NFAM1: variants seen among roughly 807,000 people sequenced by gnomAD.
The protein encoded by NFAM1 is NFAT activating protein with ITAM motif 1.
In NFAM1, 17 loss-of-function variants were observed where a neutral mutation model predicts 29.0. The observed-to-expected ratio is 0.59, with a 90% CI of 0.40 to 0.88. The LOEUF (loss-of-function observed/expected upper bound fraction) is 0.88, where lower values mean the gene tolerates loss of function less well. NFAM1 is among the 40% of genes least tolerant of loss of function. The probability of loss-of-function intolerance (pLI) is 0.00; values close to 1 mark genes in which losing one functional copy is unlikely to be tolerated. For missense variants in NFAM1, 324 were observed against 344.6 expected (o/e 0.94, Z 0.47); for synonymous variants, 175 against 147.2 (o/e 1.19, Z -1.36).
chr22:42,413,766 A>G (rs1930169727), intron 1 of NFAM1, among the ~76,000 whole-genome samples: 1 of 151,478 alleles, frequency 6.6e-6, no homozygotes, highest in Non-Finnish European at 1.5e-5. Flanking sequence ...ACAACAACAA[A>G]AATTTGGCCA....
chr22:42,399,221 T>A (rs1189826752), intron 3 of NFAM1, among the ~76,000 whole-genome samples: 3 of 151,202 alleles, frequency 2.0e-5, no homozygotes, highest in Admixed American at 2.0e-4. Flanking sequence ...CCGAGTCGGG[T>A]GGATCACCTG....
upstream of NFAM1, among the ~76,000 whole-genome samples, chr22:42,434,814 C>A (rs922289339): frequency 6.6e-6 from 1 of 152,216 alleles, no homozygotes; most frequent in African/African-American, 2.4e-5. Flanking sequence ...TAGGCCTTGG[C>A]AGCTGAATTT....
chr22:42,386,451 GAA>G (rs753249860), intron 5 of NFAM1, among the ~76,000 whole-genome samples: 5,800 of 150,104 alleles, frequency 0.039, 290 homozygotes, highest in African/African-American at 0.12. Flanking sequence ...AAAAAAGAGA[GAA>G]AGTATGATTG....
At chr22:42,435,871 G>C (rs377295660), upstream of NFAM1, among the ~76,000 whole-genome samples, 6 of 146,506 alleles carry the variant, frequency 4.1e-5, no homozygotes, top group African/African-American at 1.5e-4. Flanking sequence ...CTAGGCTGGA[G>C]TGCAGTGGCA....
Position 42,417,765 on chromosome 22 carries a change from G to A in NFAM1, c.122-6029C>T, listed in dbSNP as rs1187692566. Among the ~76,000 whole-genome samples, 7 of 152,180 alleles carry A rather than the reference G, an allele frequency of 4.6e-5. No individual in the cohort carries two copies. In the South Asian group the frequency reaches 1.4e-3, roughly 32 times the overall value. ...ATGTGGATAGGATGGTGCAGGGAGAGGGGAGAGGGCACCCATAGTGAGGAC... is the reference window on the plus strand; with the variant it reads ...ATGTGGATAGGATGGTGCAGGGAGAAGGGAGAGGGCACCCATAGTGAGGAC... On this transcript the variant is annotated intron_variant, in intron 1 of 5. Transcript: ENST00000329021.
Position 42,398,091 on chromosome 22 carries a change from C to T in NFAM1, c.565-135G>A, listed in dbSNP as rs907878543. 60 of 574,274 alleles carry T rather than the reference C, an allele frequency of 1.0e-4. 1 individual carries two copies. The highest frequency in any genetic ancestry group is 2.5e-5 in the Non-Finnish European group (8 of 322,786). 35.6% of individuals were successfully genotyped at this position (574,274 alleles called of 1,614,324 possible). On this transcript the variant is annotated intron_variant, in intron 3 of 5. Transcript: ENST00000329021. ...CATCACTCAGTCCCTCCCACTCACC[C>T]TCTCCAGGGAAACATGGCAAATGCC...
rs1007711717 is a variant in NFAM1 at position 42,388,070 on chromosome 22, G to T, written c.664-992C>A. ...GCAGCACCAAATGAGCTATGGTAAGGGGGCTTCCCCGTCACTCGGGTGTGT... is the reference window on the plus strand; with the variant it reads ...GCAGCACCAAATGAGCTATGGTAAGTGGGCTTCCCCGTCACTCGGGTGTGT... On this transcript the variant is annotated intron_variant, in intron 4 of 5. Transcript: ENST00000329021. The surrounding 1 kb of genome is among the most constrained non-coding windows in gnomAD (Gnocchi z 4.1). 6.6e-6 allele frequency among the ~76,000 whole-genome samples: 1 copy of T among 152,234 alleles called. No homozygotes were observed. Among genetic ancestry groups the T allele is most frequent in the African/African-American group, 2.4e-5 (1 of 41,452 alleles).
intron 5 of NFAM1, among the ~76,000 whole-genome samples, chr22:42,386,570 G>T (rs1929153625): frequency 6.6e-6 from 1 of 152,054 alleles, no homozygotes; most frequent in African/African-American, 2.4e-5. Context: ...ACACCAACCT[G>T]GGGGCAGCTG....
At position 42,381,039 on chromosome 22, in the gene NFAM1, G is replaced by A. The variant is rs1228506892; in HGVS notation, c.*4122C>T. ...CCCCTGGAAATGTTTGCTGAGGAGG[G>A]GCCACCGTTTACCGCACCCACTGCA... On this transcript the variant is annotated 3_prime_UTR_variant, in exon 6 of 6. Coordinates refer to ENST00000329021, the MANE Select transcript of NFAM1 (RefSeq NM_145912.8). 6.5e-6 allele frequency: 1 copy of A among 152,674 alleles called. No homozygotes were observed. The highest frequency in any genetic ancestry group is 2.4e-5 in the African/African-American group (1 of 41,442). The allele number at this position is 152,674 out of a possible 1,614,324, so 9.5% of individuals were successfully genotyped here.
chr22:42,413,847 A>C (rs1280267411), intron 1 of NFAM1, among the ~76,000 whole-genome samples: 2 of 152,300 alleles, frequency 1.3e-5, no homozygotes, highest in African/African-American at 2.4e-5. Context: ...TGAGGTCAGG[A>C]GTTCAAGATC....
intron 1 of NFAM1, among the ~76,000 whole-genome samples, chr22:42,418,642 G>A (rs1259206064): frequency 6.6e-6 from 1 of 152,000 alleles, no homozygotes; most frequent in Non-Finnish European, 1.5e-5. Flanking sequence ...GCAGTGAGCC[G>A]AGATCGCACT....
chr22:42,388,350 A>T lies in NFAM1; in HGVS notation c.664-1272T>A, dbSNP rs1016858949. ...TGCACAAAGGGCCACACACACAGTC[A>T]GGGAAGTAGTAGGTGCTTAATAAAC... On this transcript the variant is annotated intron_variant, in intron 4 of 5. Transcript: ENST00000329021. This position sits in a 1 kb window ranked among gnomAD's most constrained non-coding sequence, Gnocchi z 4.1. Among the ~76,000 whole-genome samples, 1 of 152,244 alleles carries T rather than the reference A, an allele frequency of 6.6e-6. No homozygotes were observed. Among genetic ancestry groups the T allele is most frequent in the African/African-American group, 2.4e-5 (1 of 41,462 alleles).
At chr22:42,407,866 A>C (rs914192816) in intron 3 of NFAM1, among the ~76,000 whole-genome samples, 2 of 149,920 alleles carry the variant, frequency 1.3e-5, no homozygotes, top group African/African-American at 4.9e-5. Context: ...TGCTGGAATT[A>C]CAGGTGTGAG....
chr22:42,435,844 G>A (rs1930927013), upstream of NFAM1, among the ~76,000 whole-genome samples: 1 of 140,150 alleles, frequency 7.1e-6, no homozygotes, highest in South Asian at 2.2e-4. Context: ...TTTGAGACAG[G>A]CTCAAAAAAG....
At chr22:42,413,377 C>T (rs1392371913) in intron 1 of NFAM1, among the ~76,000 whole-genome samples, 2 of 152,150 alleles carry the variant, frequency 1.3e-5, no homozygotes, top group African/African-American at 4.8e-5. Flanking sequence ...GGAGGCCAGC[C>T]TTCTGGAAGA....
intron 4 of NFAM1, among the ~76,000 whole-genome samples, chr22:42,396,821 C>T (rs1325469859): frequency 1.3e-5 from 2 of 152,210 alleles, no homozygotes; most frequent in African/African-American, 2.4e-5. Context: ...GTATCCTGGG[C>T]GTCCTCTGTG....
At chr22:42,404,818 T>C (rs1969641) in intron 3 of NFAM1, among the ~76,000 whole-genome samples, 5,877 of 145,306 alleles carry the variant, frequency 0.04, 434 homozygotes, top group African/African-American at 0.15. Context: ...CGCACCATTG[T>C]ACTCCAGCCT....
At chr22:42,418,620 G>A (rs1440290580) in intron 1 of NFAM1, among the ~76,000 whole-genome samples, 4 of 152,130 alleles carry the variant, frequency 2.6e-5, no homozygotes, top group Non-Finnish European at 4.4e-5. Flanking sequence ...TTGAACCCAG[G>A]AGGCGGAGAT....
chr22:42,386,779 C>A (rs773396938), intron 5 of NFAM1, among the ~76,000 whole-genome samples: 1 of 152,192 alleles, frequency 6.6e-6, no homozygotes, highest in African/African-American at 2.4e-5. Flanking sequence ...AAGTCAGACA[C>A]CTCGGCCAGG....
Sources: gnomAD v4.1 joint callset for allele counts (sites outside exome capture counted in the v4.1 genomes callset) on GRCh38, gnomAD v4.1.1 for gene constraint, Gnocchi (gnomAD v3.1) non-coding constraint, MANE v1.5 for transcripts, NCBI Gene and HGNC (gene_info 2026-07-23, HGNC 2026-07-21) for gene names.